The following IGF2R variants were observed in gnomAD, a reference collection of about 807,000 sequenced individuals.
IGF2R encodes cation-independent mannose-6-phosphate receptor.
IGF2R carries 91 observed loss-of-function variants against 270.6 expected under a neutral mutation model. The ratio of observed to expected loss-of-function variants is 0.34; its 90% CI spans 0.28 to 0.40. The LOEUF is 0.40. Among genes scored for constraint, IGF2R ranks in the 10% least tolerant of loss-of-function variants. The pLI is 1.00. For synonymous variants in IGF2R, 1,316 were observed against 1,258.9 expected, an observed-to-expected ratio of 1.05 and a Z score of -0.96; for missense variants, 2,805 against 3,188.3, an observed-to-expected ratio of 0.88 and a Z score of 2.90.
At chr6:160,032,847 A>G in intron 8 of IGF2R, 95 bp from the exon 9 acceptor site, 1 of 1,394,086 alleles carries the variant, frequency 7.2e-7, no homozygotes. Context: ...CTGGTGTTTC[A>G]GAAATAGGAT....
chr6:160,027,544 A>G (rs1777589103), intron 6 of IGF2R, among the ~76,000 whole-genome samples: 1 of 152,222 alleles, frequency 6.6e-6, no homozygotes, highest in African/African-American at 2.4e-5. Flanking sequence ...ACATCTCATG[A>G]TCCAGTCCAT....
intron 29 of IGF2R, among the ~76,000 whole-genome samples, 190 bp from the exon 30 acceptor site, chr6:160,068,059 A>T (rs1778622790): frequency 1.1e-5 from 1 of 95,184 alleles, no homozygotes; most frequent in Non-Finnish European, 2.0e-5. Flanking sequence ...GCTGATTCTG[A>T]TGGGGGGTGT....
At position 160,088,066 on chromosome 6, in the gene IGF2R, A is replaced by G. The variant is rs1284213279; in HGVS notation, c.6239A>G (p.Tyr2080Cys). ...DKVVVTYSKG[Y>C]PCGGNKTASS... ...GTTGTTGTCACGTACTCCAAAGGTT[A>G]TCCGTGTGGTGGAAATAAGACCGCA... Residue 2080 changes from tyrosine (Y) to cysteine (C), a missense_variant, in exon 42 of 48, where the codon TAT (tyrosine) becomes TGT (cysteine). Around this residue, in one of 2 missense-constraint regions of IGF2R, gnomAD observed 1,851 missense variants for 2,207.2 expected, o/e 0.84. Transcript: ENST00000356956. 2 of 1,613,582 alleles carry G rather than the reference A, an allele frequency of 1.2e-6. No individual in the cohort carries two copies. The highest frequency in any genetic ancestry group is 1.7e-6 in the Non-Finnish European group (2 of 1,179,544).
chr6:160,044,802 A>T, intron 13 of IGF2R, 145 bp downstream of exon 13: 1 of 662,700 alleles, frequency 1.5e-6, no homozygotes, highest in African/African-American at 1.9e-5. Context: ...GACTCTGGCG[A>T]TGGGAGATAG....
intron 11 of IGF2R, among the ~76,000 whole-genome samples, chr6:160,042,517 TTGCTGTGC>T (rs2115243870): frequency 6.6e-6 from 1 of 152,342 alleles, no homozygotes; most frequent in South Asian, 2.1e-4. Context: ...TCGCCCTTGC[TTGCTGTGC>T]TGGTGACACT....
At chr6:160,090,127 T>C (rs200901973) in intron 44 of IGF2R, 24 bp downstream of exon 44, 12 of 1,424,216 alleles carry the variant, frequency 8.4e-6, no homozygotes, top group Non-Finnish European at 1.0e-5. Flanking sequence ...TCCCACAAAG[T>C]TCCACATTTA....
intron 1 of IGF2R, among the ~76,000 whole-genome samples, chr6:159,971,333 C>T (rs1268935338): frequency 6.6e-6 from 1 of 152,182 alleles, no homozygotes; most frequent in Non-Finnish European, 1.5e-5. Context: ...TAGGAATGGC[C>T]TTTGTATCTT....
intron 1 of IGF2R, among the ~76,000 whole-genome samples, chr6:159,980,054 G>A (rs778268773): frequency 2.0e-4 from 30 of 152,020 alleles, no homozygotes; most frequent in Non-Finnish European, 3.5e-4. Context: ...GGTGGCGGGC[G>A]CCTGTAGTCC....
At chr6:159,970,446 G>C (rs1216022789) in intron 1 of IGF2R, among the ~76,000 whole-genome samples, 3 of 136,070 alleles carry the variant, frequency 2.2e-5, no homozygotes, top group Non-Finnish European at 4.5e-5. Flanking sequence ...TAGGGTTTAT[G>C]GGGGGGGTTC....
chr6:159,981,252 T>A (rs1783794827), intron 1 of IGF2R, among the ~76,000 whole-genome samples: 1 of 152,176 alleles, frequency 6.6e-6, no homozygotes, highest in Admixed American at 6.5e-5. Context: ...AGTGTGTATG[T>A]GTGCGTGAGT....
chr6:159,969,361 C>A lies in IGF2R; in HGVS notation c.115C>A (p.Gln39Lys), dbSNP rs753534364. The A allele has an allele frequency of 7.7e-7, 1 of 1,294,534 alleles. No homozygotes were observed. The highest frequency in any genetic ancestry group is 2.9e-4 in the Middle Eastern group (1 of 3,450). 80.2% of individuals were successfully genotyped at this position (1,294,534 alleles called of 1,614,324 possible). A position where few individuals can be genotyped will look rare whatever the true frequency, so the allele number is the denominator to read the frequency against. ...LLLVAAPGST[Q>K]AQAAPFPELC... ...GCTCGTCGCTGCCCCGGGGTCCACG[C>A]AGGCCCAGGCCGCCCCGTTCCCCGA... Residue 39 changes from glutamine (Q) to lysine (K), a missense_variant, in exon 1 of 48, where the codon CAG (glutamine) becomes AAG (lysine). Transcript: ENST00000356956.
At chr6:160,081,585 T>G (rs1377303669) in intron 39 of IGF2R, among the ~76,000 whole-genome samples, 1 of 152,200 alleles carries the variant, frequency 6.6e-6, no homozygotes, top group Non-Finnish European at 1.5e-5. Context: ...TTCCAAATCC[T>G]AGCAAGCCTG....
Position 160,072,827 on chromosome 6 carries a change from A to G in IGF2R, c.4633A>G (p.Lys1545Glu). The G allele has an allele frequency of 1.2e-6, 2 of 1,614,134 alleles. No homozygotes were observed. The highest frequency in any genetic ancestry group is 1.7e-6 in the Non-Finnish European group (2 of 1,180,014). The change falls in exon 33 of 48, where the codon AAG becomes GAG. Residue 1545 changes from lysine (K) to glutamate (E), a missense_variant. Lys to Glu is a moderately conservative substitution (Grantham distance 56). This residue lies in a region of IGF2R where 1,851 missense variants were observed against 2,207.2 expected (regional missense o/e 0.84). Coordinates refer to ENST00000356956, the MANE Select transcript of IGF2R (RefSeq NM_000876.4). ...RAGFTAAYSEKGLVYMSICGE... is the reference protein window; with the variant it reads ...RAGFTAAYSEEGLVYMSICGE... ...GGGATTCACAGCTGCTTACAGCGAG[A>G]AGGGGTTGGTTTACATGAGCATCTG...
chr6:160,013,399 A>G (rs1398055801), intron 4 of IGF2R, among the ~76,000 whole-genome samples: 1 of 142,842 alleles, frequency 7.0e-6, no homozygotes, highest in Non-Finnish European at 1.5e-5. Context: ...TAGATACCAC[A>G]TGGTTCTTTG....
In IGF2R at chr6:160,069,782, C is replaced by T. The variant is rs138607769; in HGVS notation, c.4253-86C>T. ...TTAGAAAGCGTATGAAGTTCTGCAG[C>T]GTGTGTGACATTTATTGCCTGATGA... On this transcript the variant is annotated intron_variant, in intron 30 of 47. Coordinates refer to ENST00000356956, the MANE Select transcript of IGF2R (RefSeq NM_000876.4). 5.7e-4 allele frequency: 678 copies of T among 1,195,600 alleles called. 3 individuals carry two copies. In the African/African-American group the frequency reaches 9.1e-3, roughly 16 times the overall value. The allele number at this position is 1,195,600 out of a possible 1,614,324, so 74.1% of individuals were successfully genotyped here.
intron 1 of IGF2R, among the ~76,000 whole-genome samples, chr6:159,987,734 A>C (rs1262761205): frequency 6.6e-6 from 1 of 152,210 alleles, no homozygotes; most frequent in African/African-American, 2.4e-5. Flanking sequence ...GAAACATCAG[A>C]ATGTTTTAAG....
intron 6 of IGF2R, among the ~76,000 whole-genome samples, chr6:160,028,042 T>C (rs1028907922): frequency 6.6e-6 from 1 of 152,174 alleles, no homozygotes; most frequent in Non-Finnish European, 1.5e-5. Context: ...GTGTTTGGAA[T>C]TTTCTATGTG....
chr6:160,082,169 T>G (rs922342784), intron 39 of IGF2R, among the ~76,000 whole-genome samples: 1 of 152,254 alleles, frequency 6.6e-6, no homozygotes, highest in African/African-American at 2.4e-5. Context: ...CAAAATGGGA[T>G]GTATTAAGGA....
chr6:160,067,198 G>A lies in IGF2R; in HGVS notation c.4116-1051G>A, dbSNP rs117573078. Among the ~76,000 whole-genome samples, 1,063 of 152,118 alleles carry A rather than the reference G, an allele frequency of 7.0e-3. 5 individuals carry two copies. The highest frequency in any genetic ancestry group is 9.7e-3 in the Admixed American group (149 of 15,284). On this transcript the variant is annotated intron_variant, in intron 29 of 47. Coordinates refer to ENST00000356956, the MANE Select transcript of IGF2R (RefSeq NM_000876.4). Reference sequence around the variant, plus strand: ...GTTTCTGTCTTTCTCGGGTCATGTCGGGCTTATGTGCCTCGGGCCCTTTGC... The same window carrying A: ...GTTTCTGTCTTTCTCGGGTCATGTCAGGCTTATGTGCCTCGGGCCCTTTGC...
Sources: allele counts gnomAD v4.1 joint callset (sites outside exome capture counted in the v4.1 genomes callset), GRCh38; gene constraint gnomAD v4.1.1; regional missense constraint gnomAD v4.1.1; transcripts MANE v1.5; gene names NCBI Gene and HGNC (gene_info 2026-07-23, HGNC 2026-07-21).